The following GTF3C1 variants were observed in gnomAD, a reference collection of about 807,000 sequenced individuals.
The protein encoded by GTF3C1 is general transcription factor IIIC subunit 1.
GTF3C1 carries 57 observed loss-of-function variants against 226.7 expected under a neutral mutation model. The ratio of observed to expected loss-of-function variants is 0.25; its 90% CI spans 0.20 to 0.31. The LOEUF (loss-of-function observed/expected upper bound fraction) is 0.31, where lower values mean the gene tolerates loss of function less well. Among genes scored for constraint, GTF3C1 ranks in the 10% least tolerant of loss-of-function variants. The pLI, the probability that GTF3C1 is intolerant of heterozygous loss-of-function variation, is 1.00. For synonymous variants in GTF3C1, 1,090 were observed against 1,084.8 expected (o/e 1.00, Z -0.09); for missense variants, 2,217 against 2,776.1 (o/e 0.80, Z 4.53).
At chr16:27,476,644 G>C (rs1347219081) in intron 28 of GTF3C1, 100 bp from the exon 29 acceptor site, 2 of 692,154 alleles carry the variant, frequency 2.9e-6, no homozygotes, top group Non-Finnish European at 5.2e-6. Flanking sequence ...TCACAAAAGG[G>C]ACACAAATGC....
At position 27,465,495 on chromosome 16, in the gene GTF3C1, T is replaced by G. The variant is rs1189467134; in HGVS notation, c.5120A>C (p.Asp1707Ala). The stretch of plus-strand genomic sequence containing the variant: ...GGGGTTTATCAGCTTGGTGAACGTA[T>G]CAGGGAGGCAGGAGGTTCCCATTGT... ...ELTMGTSCLP[D>A]TFTKLINPQE... Residue 1707 changes from aspartate (D) to alanine (A), a missense_variant, in exon 33 of 37, where the codon GAT (aspartate) becomes GCT (alanine). This residue lies in a region of GTF3C1 where 455 missense variants were observed against 441.9 expected (regional missense o/e 1.03). Coordinates refer to ENST00000356183, the MANE Select transcript of GTF3C1 (RefSeq NM_001520.4). 7 of 1,604,492 alleles carry G rather than the reference T, an allele frequency of 4.4e-6. No individual in the cohort carries two copies. In the African/African-American group the frequency reaches 8.0e-5, roughly 18 times the overall value.
At chr16:27,488,930 G>A (rs922140874) in intron 21 of GTF3C1, 113 bp downstream of exon 21, 27 of 979,986 alleles carry the variant, frequency 2.8e-5, no homozygotes, top group African/African-American at 2.1e-4. Context: ...GGGGCCTGAC[G>A]CACCTTCAAT....
At chr16:27,478,105 A>C (rs976897884) in intron 28 of GTF3C1, among the ~76,000 whole-genome samples, 11 of 152,150 alleles carry the variant, frequency 7.2e-5, no homozygotes, top group East Asian at 1.9e-4. Context: ...AAGGAGGCAG[A>C]GGCTGCAGTG....
At chr16:27,473,744 A>T (rs2087911002) in intron 29 of GTF3C1, among the ~76,000 whole-genome samples, 1 of 152,330 alleles carries the variant, frequency 6.6e-6, no homozygotes, top group South Asian at 2.1e-4. Flanking sequence ...AGCCTGTGCA[A>T]CTTGCTTCCT....
At chr16:27,533,008 T>C (rs1234251290) in intron 5 of GTF3C1, among the ~76,000 whole-genome samples, 1 of 152,114 alleles carries the variant, frequency 6.6e-6, no homozygotes, top group African/African-American at 2.4e-5. Flanking sequence ...GGCGGGCACC[T>C]GTAATCCCAG....
At chr16:27,537,957 C>T in intron 3 of GTF3C1, 30 bp from the exon 4 acceptor site, 1 of 1,608,484 alleles carries the variant, frequency 6.2e-7, no homozygotes, top group South Asian at 1.1e-5. Flanking sequence ...ATGTCATTTG[C>T]TTTGCTGGTA....
intron 7 of GTF3C1, among the ~76,000 whole-genome samples, chr16:27,510,047 G>C (rs114672414): frequency 6.6e-6 from 1 of 152,104 alleles, no homozygotes; most frequent in Non-Finnish European, 1.5e-5. Context: ...TTAGGAGTTC[G>C]AGACCCACCT....
chr16:27,491,333 T>C (rs574650855), intron 19 of GTF3C1, among the ~76,000 whole-genome samples: 2 of 152,182 alleles, frequency 1.3e-5, no homozygotes, highest in East Asian at 3.9e-4. Context: ...AAAGGCCAGG[T>C]GGAGAAAGGC....
chr16:27,521,702 GTCTTTCTTTTAT>G (rs1263150060), intron 6 of GTF3C1, among the ~76,000 whole-genome samples: 10 of 152,174 alleles, frequency 6.6e-5, no homozygotes, highest in African/African-American at 2.4e-4. Flanking sequence ...ATATTAACAT[GTCTTTCTTTTAT>G]TTCTCTTATT....
intron 29 of GTF3C1, among the ~76,000 whole-genome samples, chr16:27,474,303 C>T (rs1319378092): frequency 6.6e-6 from 1 of 152,192 alleles, no homozygotes; most frequent in East Asian, 1.9e-4. Context: ...CGGTACCACA[C>T]ATCAGAGCCC....
In GTF3C1 at chr16:27,462,406, A is replaced by G; in HGVS notation, c.6005T>C (p.Met2002Thr). ...GHLNLPVCKG[M>T]MEAMLYHIMT... The stretch of plus-strand genomic sequence containing the variant: ...GATGTGGTACAGCATGGCCTCCATC[A>G]TACCCTTGCATACAGGAAGGTTCAG... The change falls in exon 36 of 37, where the codon ATG (methionine) becomes ACG (threonine). Residue 2002 changes from methionine to threonine, a missense_variant. Physicochemically the swap from Met to Thr is moderately conservative, Grantham distance 81. Around this residue, in one of 12 missense-constraint regions of GTF3C1, gnomAD observed 153 missense variants for 199.8 expected, o/e 0.77. Transcript: ENST00000356183. This position sits in a 1 kb window ranked among gnomAD's most constrained non-coding sequence, Gnocchi z 4.5. The G allele has an allele frequency of 6.2e-7, 1 of 1,611,944 alleles. No homozygotes were observed. The highest frequency in any genetic ancestry group is 8.5e-7 in the Non-Finnish European group (1 of 1,178,994).
At chr16:27,467,592 G>A (rs767767542) in intron 32 of GTF3C1, among the ~76,000 whole-genome samples, 6 of 152,140 alleles carry the variant, frequency 3.9e-5, no homozygotes, top group East Asian at 3.9e-4. Context: ...TTTGATGGCC[G>A]GACACAGTGG....
At position 27,489,814 on chromosome 16, in the gene GTF3C1, T is replaced by C. The variant is rs894233305; in HGVS notation, c.3152-71A>G. 8.0e-6 allele frequency: 12 copies of C among 1,508,680 alleles called. No homozygotes were observed. In the African/African-American group the frequency reaches 1.2e-4, roughly 15 times the overall value. 93.5% of individuals were successfully genotyped at this position (1,508,680 alleles called of 1,614,324 possible). A position where few individuals can be genotyped will look rare whatever the true frequency, so the allele number is the denominator to read the frequency against. Reference sequence around the variant, plus strand: ...AGCTCTGGTGGCTACTACCTCTGGCTGGGTGGGGAAGAAGAGTGGATTCCC... The same window carrying C: ...AGCTCTGGTGGCTACTACCTCTGGCCGGGTGGGGAAGAAGAGTGGATTCCC... On this transcript the variant is annotated intron_variant, in intron 19 of 36. Coordinates refer to ENST00000356183, the MANE Select transcript of GTF3C1 (RefSeq NM_001520.4).
rs2087844381 is a variant in GTF3C1 at position 27,470,042 on chromosome 16, C to G, written c.4814+66G>C. 3.8e-6 allele frequency: 5 copies of G among 1,322,888 alleles called. No homozygotes were observed. In the South Asian group the frequency reaches 4.0e-5, roughly 11 times the overall value. 81.9% of individuals were successfully genotyped at this position (1,322,888 alleles called of 1,614,324 possible). On this transcript the variant is annotated intron_variant, in intron 31 of 36. Transcript: ENST00000356183. The surrounding 1 kb of genome is among the most constrained non-coding windows in gnomAD (Gnocchi z 4.9). ...TCCCAGAAGGCACTGCTGACCCCTGCCCGTCTGTATCTGGCCAATGCCTAG... is the reference window on the plus strand; with the variant it reads ...TCCCAGAAGGCACTGCTGACCCCTGGCCGTCTGTATCTGGCCAATGCCTAG...
intron 6 of GTF3C1, among the ~76,000 whole-genome samples, chr16:27,514,554 A>G (rs1377455864): frequency 1.3e-5 from 2 of 152,036 alleles, no homozygotes; most frequent in Non-Finnish European, 2.9e-5. Context: ...ACTGTCCTCT[A>G]GACAAGCCCC....
chr16:27,540,017 G>A (rs895287658), intron 2 of GTF3C1, among the ~76,000 whole-genome samples: 2 of 152,054 alleles, frequency 1.3e-5, no homozygotes, highest in Non-Finnish European at 2.9e-5. Flanking sequence ...TCTGTTCACC[G>A]GGAGCCAACA....
intron 7 of GTF3C1, 77 bp from the exon 8 acceptor site, chr16:27,508,732 T>A: frequency 1.0e-6 from 1 of 992,262 alleles, no homozygotes; most frequent in Admixed American, 2.0e-5. Context: ...AGCCCACTTT[T>A]TCAGCAGACA....
intron 28 of GTF3C1, among the ~76,000 whole-genome samples, chr16:27,477,556 C>T (rs1297964570): frequency 2.0e-5 from 3 of 152,220 alleles, no homozygotes; most frequent in Non-Finnish European, 4.4e-5. Context: ...CCGCCGGCAG[C>T]GCCCTCCCAA....
rs568096925 is a variant in GTF3C1, at chr16:27,471,704, G to A, written c.4526+44C>T. 19 of 1,479,548 alleles carry A rather than the reference G, an allele frequency of 1.3e-5. No homozygotes were observed. Among genetic ancestry groups the A allele is most frequent in the South Asian group, 1.0e-4 (9 of 87,950 alleles). The allele number at this position is 1,479,548 out of a possible 1,614,324, so 91.7% of individuals were successfully genotyped here. A position where few individuals can be genotyped will look rare whatever the true frequency, so the allele number is the denominator to read the frequency against. ...CTTTGCTCCTCTTTACAGACAGGGC[G>A]TGGCTCCACCTCGGAGTACCCAAGG... On this transcript the variant is annotated intron_variant, in intron 30 of 36. Coordinates refer to ENST00000356183, the MANE Select transcript of GTF3C1 (RefSeq NM_001520.4). The surrounding 1 kb of genome is among the most constrained non-coding windows in gnomAD (Gnocchi z 5.0).
Sources: gnomAD v4.1 joint callset for allele counts (sites outside exome capture counted in the v4.1 genomes callset) on GRCh38, gnomAD v4.1.1 for gene constraint, gnomAD v4.1.1 regional missense constraint, Gnocchi (gnomAD v3.1) non-coding constraint, MANE v1.5 for transcripts, NCBI Gene and HGNC (gene_info 2026-07-23, HGNC 2026-07-21) for gene names.